The following TMPRSS9 variants were observed in gnomAD, a reference collection of about 807,000 sequenced individuals.
TMPRSS9 encodes transmembrane protease serine 9.
In TMPRSS9, 113 loss-of-function variants were observed where a neutral mutation model predicts 111.4. The ratio of observed to expected loss-of-function variants is 1.01; its 90% confidence interval spans 0.87 to 1.19. The LOEUF (loss-of-function observed/expected upper bound fraction) is 1.19. TMPRSS9 is among the 50% of genes most tolerant of loss of function. The pLI, the probability that TMPRSS9 is intolerant of heterozygous loss-of-function variation, is 0.00. For synonymous variants in TMPRSS9, 805 were observed against 659.1 expected (o/e 1.22, Z -3.39); for missense variants, 1,803 against 1,513.1 (o/e 1.19, Z -3.18).
At chr19:2,423,333 G>A (rs911729699) in intron 14 of TMPRSS9, among the ~76,000 whole-genome samples, 3 of 152,046 alleles carry the variant, frequency 2.0e-5, no homozygotes, top group Non-Finnish European at 2.9e-5. Flanking sequence ...GACAGCGGCT[G>A]CGGCTGCTGT....
At position 2,400,219 on chromosome 19, in the gene TMPRSS9, A is replaced by C. The variant is rs563667248; in HGVS notation, c.514+1026A>C. Among the ~76,000 whole-genome samples, 71 of 152,370 alleles carry C rather than the reference A, an allele frequency of 4.7e-4. No individual in the cohort carries two copies. In the South Asian group the frequency reaches 6.8e-3, roughly 15 times the overall value. On this transcript the variant is annotated intron_variant, in intron 4 of 17. Transcript: ENST00000648592. Reference sequence around the variant, plus strand: ...GTAGTTGGCCAACCCCCTACTGTAGAATCAAGGATAAATGCTACACTCTAA... The same window carrying C: ...GTAGTTGGCCAACCCCCTACTGTAGCATCAAGGATAAATGCTACACTCTAA...
rs1446379874 is a variant in TMPRSS9 at position 2,396,528 on chromosome 19, C to G, written c.143-11C>G. The stretch of plus-strand genomic sequence containing the variant: ...GGTGGGCTCTCTCACGGGCCCTGGT[C>G]TCGTCCCCAGCCTTCCTCTCTACAC... On this transcript the variant is annotated splice_polypyrimidine_tract_variant and intron_variant, in intron 1 of 17. Coordinates refer to ENST00000648592, the Ensembl canonical transcript of TMPRSS9. 1 of 1,591,956 alleles carries G rather than the reference C, an allele frequency of 6.3e-7. No homozygotes were observed. The highest frequency in any genetic ancestry group is 1.3e-5 in the African/African-American group (1 of 74,524).
At chr19:2,391,182 G>A (rs1199011135) in intron 1 of TMPRSS9, among the ~76,000 whole-genome samples, 1 of 136,102 alleles carries the variant, frequency 7.3e-6, no homozygotes, top group Non-Finnish European at 1.5e-5. Context: ...AGAGATTGCA[G>A]TGAGCCGAGA....
At chr19:2,403,893 T>A (rs1334077298) in intron 6 of TMPRSS9, among the ~76,000 whole-genome samples, 3 of 148,512 alleles carry the variant, frequency 2.0e-5, no homozygotes, top group African/African-American at 7.5e-5. Flanking sequence ...TTTGGGAGGC[T>A]GAGGCAGGAG....
intron 1 of TMPRSS9, among the ~76,000 whole-genome samples, chr19:2,370,539 A>G (rs931445931): frequency 3.3e-5 from 5 of 151,758 alleles, no homozygotes; most frequent in Non-Finnish European, 5.9e-5. Flanking sequence ...TATGTTCCTC[A>G]GGCTGGTCTC....
rs147361726 is a variant in TMPRSS9, at chr19:2,375,804, C to G, written c.-25-13957C>G. ...GCTGGGCAGACAAAAAACACATACC[C>G]TAGAAAATTACAACTGAAGGGACAA... On this transcript the variant is annotated intron_variant, in intron 1 of 17. Transcript: ENST00000649857. Among the ~76,000 whole-genome samples, 784 of 152,250 alleles carry G rather than the reference C, an allele frequency of 5.1e-3. 5 individuals are homozygous for G. Among genetic ancestry groups the G allele is most frequent in the African/African-American group, 0.018 (756 of 41,540 alleles).
chr19:2,399,702 G>A (rs1970788969), intron 4 of TMPRSS9, among the ~76,000 whole-genome samples: 1 of 152,012 alleles, frequency 6.6e-6, no homozygotes, highest in African/African-American at 2.4e-5. Flanking sequence ...GTCTTGTCTT[G>A]TCTTCTCTTT....
intron 1 of TMPRSS9, among the ~76,000 whole-genome samples, chr19:2,378,871 A>G (rs2145257576): frequency 6.6e-6 from 1 of 152,310 alleles, no homozygotes; most frequent in Non-Finnish European, 1.5e-5. Flanking sequence ...TAGGAGAGAG[A>G]AGAATGAAAG....
At chr19:2,401,901 C>T (rs1970856642) in intron 4 of TMPRSS9, 74 bp from the exon 6 acceptor site, 1 of 1,425,068 alleles carries the variant, frequency 7.0e-7, no homozygotes, top group Non-Finnish European at 9.6e-7. Context: ...AGCCACCGCG[C>T]CCGGCCAATA....
chr19:2,360,921 G>C (rs1441483920), intron 1 of TMPRSS9, among the ~76,000 whole-genome samples: 3 of 151,018 alleles, frequency 2.0e-5, no homozygotes, highest in Non-Finnish European at 4.4e-5. Flanking sequence ...GGATTGTGTG[G>C]ATGCAGCTGA....
At chr19:2,391,740 CTTTT>C (rs111240493) in intron 1 of TMPRSS9, among the ~76,000 whole-genome samples, 1 of 132,960 alleles carries the variant, frequency 7.5e-6, no homozygotes. Flanking sequence ...GAAAGGAAGT[CTTTT>C]TTTTTTTTTT....
At chr19:2,407,311 C>T (rs577154468) in intron 7 of TMPRSS9, among the ~76,000 whole-genome samples, 1 of 151,536 alleles carries the variant, frequency 6.6e-6, no homozygotes, top group Non-Finnish European at 1.5e-5. Context: ...CACTTGAGGT[C>T]AGGAGTTTGA....
At chr19:2,364,236 A>G (rs1448729074) in intron 1 of TMPRSS9, among the ~76,000 whole-genome samples, 1 of 152,200 alleles carries the variant, frequency 6.6e-6, no homozygotes, top group Non-Finnish European at 1.5e-5. Context: ...CATAAATAGA[A>G]GAAATTTAGA....
At chr19:2,371,401 T>G (rs1327586850) in intron 1 of TMPRSS9, among the ~76,000 whole-genome samples, 1 of 152,048 alleles carries the variant, frequency 6.6e-6, no homozygotes, top group Admixed American at 6.6e-5. Flanking sequence ...AAAACTGGAA[T>G]AGCTGCCGGG....
Position 2,418,150 on chromosome 19 carries a change from A to C in TMPRSS9, c.2154+12A>C, listed in dbSNP as rs987162575. 1.2e-6 allele frequency: 2 copies of C among 1,606,864 alleles called. No individual in the cohort carries two copies. The highest frequency in any genetic ancestry group is 1.7e-6 in the Non-Finnish European group (2 of 1,176,400). On this transcript the variant is annotated intron_variant, in intron 13 of 17. Transcript: ENST00000648592. Reference sequence around the variant, plus strand: ...TCGACTCCTGCCAGGTAAGCATTCAAAGGGGGAAAGCGGGCAATATTTCCA... The same window carrying C: ...TCGACTCCTGCCAGGTAAGCATTCACAGGGGGAAAGCGGGCAATATTTCCA...
At chr19:2,412,970 G>C (rs1035823783) in intron 9 of TMPRSS9, among the ~76,000 whole-genome samples, 1 of 152,106 alleles carries the variant, frequency 6.6e-6, no homozygotes, top group Non-Finnish European at 1.5e-5. Context: ...GAGGTGGGCA[G>C]ATCACTTAAG....
Position 2,408,642 on chromosome 19 carries a change from C to T in TMPRSS9, c.1117+12C>T, listed in dbSNP as rs1971024136. Reference sequence around the variant, plus strand: ...CAAGGAGGACTTCCGTAAGCATCTTCCTCGGCCTGCAAGTGAGCTCAGGCA... The same window carrying T: ...CAAGGAGGACTTCCGTAAGCATCTTTCTCGGCCTGCAAGTGAGCTCAGGCA... On this transcript the variant is annotated intron_variant, in intron 8 of 17. Coordinates refer to ENST00000648592, the Ensembl canonical transcript of TMPRSS9. 6.2e-7 allele frequency: 1 copy of T among 1,603,880 alleles called. No homozygotes were observed. The highest frequency in any genetic ancestry group is 1.1e-5 in the South Asian group (1 of 90,724).
intron 9 of TMPRSS9, among the ~76,000 whole-genome samples, chr19:2,411,703 C>A (rs1292929650): frequency 6.6e-6 from 1 of 152,120 alleles, no homozygotes. Context: ...AGGTGCCCAC[C>A]ACCACGCCTG....
In TMPRSS9 at chr19:2,379,615, C is replaced by CTCTTTCTTCCTT. The variant is rs1555676513; in HGVS notation, c.-25-10138_-25-10137insCCTTTCTTTCTT. Among the ~76,000 whole-genome samples, 238 of 118,618 alleles carry CTCTTTCTTCCTT rather than the reference C, an allele frequency of 2.0e-3. 1 individual carries two copies. Among genetic ancestry groups the CTCTTTCTTCCTT allele is most frequent in the African/African-American group, 6.8e-3 (214 of 31,452 alleles). The allele number at this position is 118,618 out of a possible 152,430, so 77.8% of individuals were successfully genotyped here. ...GACATTCCCTAAACTAACTTTCTTT[C>CTCTTTCTTCCTT]TCTTTCTTTCTTTCTTTCTTTCTTT... On this transcript the variant is annotated intron_variant, in intron 1 of 17. Transcript: ENST00000649857.
Sources: gnomAD v4.1 joint callset for allele counts (sites outside exome capture counted in the v4.1 genomes callset) on GRCh38, gnomAD v4.1.1 for gene constraint, MANE v1.5 for transcripts, NCBI Gene and HGNC (gene_info 2026-07-23, HGNC 2026-07-21) for gene names.